The following SHISA6 variants were observed in gnomAD, a reference collection of about 807,000 sequenced individuals.
The protein encoded by SHISA6 is shisa family member 6.
In SHISA6, 22 loss-of-function variants were observed where a neutral mutation model predicts 47.9. The observed-to-expected ratio is 0.46, with a 90% confidence interval of 0.33 to 0.66. The LOEUF (loss-of-function observed/expected upper bound fraction) is 0.66, where lower values mean the gene tolerates loss of function less well. Among genes scored for constraint, SHISA6 ranks in the 30% least tolerant of loss-of-function variants. The pLI, the probability that SHISA6 is intolerant of heterozygous loss-of-function variation, is 0.02. For synonymous variants in SHISA6, 388 were observed against 337.8 expected (o/e 1.15, Z -1.63); for missense variants, 680 against 764.6 (o/e 0.89, Z 1.30).
At chr17:11,256,293 C>T (rs551192051) in intron 1 of SHISA6, among the ~76,000 whole-genome samples, 5 of 152,246 alleles carry the variant, frequency 3.3e-5, no homozygotes, top group Middle Eastern at 3.4e-3. Context: ...GTCAGGAGTT[C>T]GAGACCAGCC....
intron 3 of SHISA6, among the ~76,000 whole-genome samples, chr17:11,494,831 C>A (rs767440544): frequency 5.7e-4 from 87 of 152,270 alleles, no homozygotes; most frequent in Non-Finnish European, 8.5e-4. Context: ...GCATTAGAAT[C>A]GCCTGGGAAG....
intron 3 of SHISA6, among the ~76,000 whole-genome samples, chr17:11,512,318 G>A (rs2071547552): frequency 6.6e-6 from 1 of 152,022 alleles, no homozygotes; most frequent in Admixed American, 6.6e-5. Context: ...GTTCCTTTTT[G>A]CCTTAGCTCC....
intron 4 of SHISA6, among the ~76,000 whole-genome samples, chr17:11,552,738 T>G (rs1300605800): frequency 6.6e-6 from 1 of 152,320 alleles, no homozygotes; most frequent in East Asian, 1.9e-4. Flanking sequence ...GCCTCAGCAC[T>G]GAAGTTGAGG....
chr17:11,283,969 T>TAAAAAGGAACTAAAA (rs1313421777), intron 2 of SHISA6, among the ~76,000 whole-genome samples: 1 of 152,222 alleles, frequency 6.6e-6, no homozygotes, highest in African/African-American at 2.4e-5. Context: ...AGTTCCTTTT[T>TAAAAAGGAACTAAAA]AGTTCTCCTA....
chr17:11,387,716 G>GGCC (rs1398397277), intron 3 of SHISA6, among the ~76,000 whole-genome samples: 4 of 152,178 alleles, frequency 2.6e-5, no homozygotes, highest in Non-Finnish European at 2.9e-5. Context: ...AAATAACAAT[G>GGCC]GCCAGGGACT....
intron 2 of SHISA6, among the ~76,000 whole-genome samples, chr17:11,375,452 G>A (rs976019434): frequency 6.6e-6 from 1 of 152,156 alleles, no homozygotes; most frequent in African/African-American, 2.4e-5. Context: ...AAACTGTCCT[G>A]ATCAGTTTGT....
At chr17:11,368,180 C>T (rs969710055) in intron 2 of SHISA6, among the ~76,000 whole-genome samples, 3 of 152,164 alleles carry the variant, frequency 2.0e-5, no homozygotes, top group Admixed American at 1.3e-4. Context: ...AGGACATGGT[C>T]CAACCCACAC....
chr17:11,481,649 C>T (rs1229703409), intron 3 of SHISA6, among the ~76,000 whole-genome samples: 5 of 151,726 alleles, frequency 3.3e-5, no homozygotes, highest in Non-Finnish European at 5.9e-5. Context: ...CACACCACAA[C>T]GCCTGGCTAA....
chr17:11,483,297 G>A (rs1276142135), intron 3 of SHISA6, among the ~76,000 whole-genome samples: 5 of 116,022 alleles, frequency 4.3e-5, no homozygotes, highest in East Asian at 2.5e-4. Flanking sequence ...GTGAAACTCC[G>A]TCTAAAAAAA....
chr17:11,382,273 C>A (rs1913036879), intron 3 of SHISA6, among the ~76,000 whole-genome samples: 2 of 152,074 alleles, frequency 1.3e-5, no homozygotes, highest in Non-Finnish European at 1.5e-5. Context: ...GAAACAGGGT[C>A]TCACTATGTT....
At chr17:11,339,541 A>G (rs1911454847) in intron 2 of SHISA6, among the ~76,000 whole-genome samples, 1 of 152,176 alleles carries the variant, frequency 6.6e-6, no homozygotes, top group South Asian at 2.1e-4. Flanking sequence ...AATTAGCAGG[A>G]CTCTAGATGT....
intron 2 of SHISA6, among the ~76,000 whole-genome samples, chr17:11,274,917 G>C (rs1184653067): frequency 6.6e-6 from 1 of 152,208 alleles, no homozygotes; most frequent in African/African-American, 2.4e-5. Flanking sequence ...TGGGCGAGGA[G>C]GAGAGTGGAG....
intron 3 of SHISA6, among the ~76,000 whole-genome samples, chr17:11,446,522 C>T (rs534400879): frequency 6.6e-6 from 1 of 152,214 alleles, no homozygotes; most frequent in Non-Finnish European, 1.5e-5. Context: ...AATTTCCCAA[C>T]ACTTCTCCCC....
chr17:11,296,412 A>G (rs913016927), intron 2 of SHISA6, among the ~76,000 whole-genome samples: 4 of 152,304 alleles, frequency 2.6e-5, no homozygotes, highest in Admixed American at 2.6e-4. Flanking sequence ...AGGCAAAACC[A>G]GTGGGGCTTG....
At position 11,242,069 on chromosome 17, in the gene SHISA6, G is replaced by A; in HGVS notation, c.638+9G>A. 6.5e-7 allele frequency: 1 copy of A among 1,549,372 alleles called. No homozygotes were observed. The highest frequency in any genetic ancestry group is 2.4e-5 in the East Asian group (1 of 40,900). ...GAGATGAACATCCACAGGTGAGAGC[G>A]CCGCGTGCCGCGCGCCCCGGTCTCC... On this transcript the variant is annotated intron_variant, in intron 1 of 5. Coordinates refer to ENST00000441885, the MANE Select transcript of SHISA6 (RefSeq NM_207386.4).
intron 3 of SHISA6, among the ~76,000 whole-genome samples, chr17:11,464,948 A>C (rs548539991): frequency 1.3e-5 from 2 of 152,082 alleles, no homozygotes; most frequent in East Asian, 3.9e-4. Flanking sequence ...TTAAAAAAAA[A>C]AAAAAACCCT....
At chr17:11,246,152 T>C (rs112594895) in intron 1 of SHISA6, among the ~76,000 whole-genome samples, 56 of 152,166 alleles carry the variant, frequency 3.7e-4, no homozygotes, top group Non-Finnish European at 7.4e-4. Flanking sequence ...TGCCTTGGAC[T>C]GAAAGTTTTA....
In SHISA6 at chr17:11,515,242, C is replaced by CAA. The variant is rs754884133; in HGVS notation, c.896-36639_896-36638dup. Among the ~76,000 whole-genome samples the CAA allele has an allele frequency of 4.6e-3, 224 of 48,414 alleles. 2 individuals are homozygous for CAA. The highest frequency in any genetic ancestry group is 0.013 in the African/African-American group (210 of 16,288). 31.8% of individuals were successfully genotyped at this position (48,414 alleles called of 152,430 possible). A position where few individuals can be genotyped will look rare whatever the true frequency, so the allele number is the denominator to read the frequency against. On this transcript the variant is annotated intron_variant, in intron 3 of 5. Coordinates refer to ENST00000441885, the MANE Select transcript of SHISA6 (RefSeq NM_207386.4). Reference sequence around the variant, plus strand: ...TGGGTGACAGGGCAAGACTCTTTCTCAAAAAAAAAAAAAAAAGAAAAAAGA... The same window carrying CAA: ...TGGGTGACAGGGCAAGACTCTTTCTCAAAAAAAAAAAAAAAAAAGAAAAAAGA...
At chr17:11,391,512 G>T (rs1913386118) in intron 3 of SHISA6, among the ~76,000 whole-genome samples, 1 of 152,138 alleles carries the variant, frequency 6.6e-6, no homozygotes, top group African/African-American at 2.4e-5. Flanking sequence ...CTCTGTGTGT[G>T]GCTGACTCCA....
Sources: allele counts gnomAD v4.1 joint callset (sites outside exome capture counted in the v4.1 genomes callset), GRCh38; gene constraint gnomAD v4.1.1; transcripts MANE v1.5; gene names NCBI Gene and HGNC (gene_info 2026-07-23, HGNC 2026-07-21).